The following MYLK variants were observed in gnomAD, a reference collection of about 807,000 sequenced individuals.
MYLK encodes the protein myosin light chain kinase, also known as myosin light chain kinase, smooth muscle.
In MYLK, 106 loss-of-function variants were observed where a neutral mutation model predicts 203.4. The observed-to-expected ratio is 0.52, with a 90% CI of 0.45 to 0.61. The LOEUF is 0.61. Among genes scored for constraint, MYLK ranks in the 20% least tolerant of loss-of-function variants. The pLI is 0.00. For synonymous variants in MYLK, 867 were observed against 959.5 expected (o/e 0.90, Z 1.78); for missense variants, 2,072 against 2,442.3 (o/e 0.85, Z 3.20).
rs2062593756 is a variant in MYLK at position 123,734,138 on chromosome 3, G to A, written c.858C>T (p.Asp286=). ...TGCTTTTGGCTGCAGCCTCCAGACT[G>A]TCCAGCTTCGACTCCTTTGAGATTA... The part of the protein sequence containing the change: ...TNVISKESKL[D]SLEAAAKSKN... Residue 286 remains aspartate (D), a synonymous_variant, in exon 10 of 34, where the codon GAC becomes GAT. Coordinates refer to ENST00000360304, the MANE Select transcript of MYLK (RefSeq NM_053025.4). 2 of 1,581,716 alleles carry A rather than the reference G, an allele frequency of 1.3e-6. No individual in the cohort carries two copies. Among genetic ancestry groups the A allele is most frequent in the Non-Finnish European group, 1.7e-6 (2 of 1,166,908 alleles).
chr3:123,679,532 A>G (rs2060191400), intron 20 of MYLK, among the ~76,000 whole-genome samples: 1 of 151,920 alleles, frequency 6.6e-6, no homozygotes, highest in African/African-American at 2.4e-5. Context: ...GTTTGGAGTA[A>G]CAGAGATTGG....
intron 8 of MYLK, among the ~76,000 whole-genome samples, chr3:123,736,776 T>C (rs1353128936): frequency 2.0e-5 from 3 of 152,156 alleles, no homozygotes; most frequent in Admixed American, 6.5e-5. Context: ...ATTCTTCCAG[T>C]TGGCAACCAC....
At chr3:123,713,828 A>T (rs1314207681) in intron 13 of MYLK, among the ~76,000 whole-genome samples, 9 of 152,084 alleles carry the variant, frequency 5.9e-5, no homozygotes, top group African/African-American at 2.2e-4. Context: ...CTCTCCTCCA[A>T]ACTTATGGCA....
intron 11 of MYLK, among the ~76,000 whole-genome samples, chr3:123,731,333 C>G (rs1448996421): frequency 1.3e-5 from 2 of 152,196 alleles, no homozygotes; most frequent in Non-Finnish European, 2.9e-5. Context: ...CTGTGAACCC[C>G]TAGTTTCCCC....
chr3:123,856,802 T>C (rs1398496422), intron 2 of MYLK, among the ~76,000 whole-genome samples: 2 of 152,174 alleles, frequency 1.3e-5, no homozygotes, highest in Non-Finnish European at 2.9e-5. Flanking sequence ...AAATAGGATC[T>C]AATTAAACTA....
At chr3:123,715,812 C>A (rs533036313) in intron 13 of MYLK, 1 of 152,314 alleles carries the variant, frequency 6.6e-6, no homozygotes, top group African/African-American at 2.4e-5. Context: ...GGAAAAACAA[C>A]TAAATTCTGA....
At chr3:123,697,829 C>T (rs2060995517) in intron 18 of MYLK, among the ~76,000 whole-genome samples, 1 of 152,210 alleles carries the variant, frequency 6.6e-6, no homozygotes, top group Non-Finnish European at 1.5e-5. Flanking sequence ...GTCTCTCTCT[C>T]CCCTTCGTGT....
chr3:123,657,346 T>C lies in MYLK; in HGVS notation c.4068A>G (p.Ser1356=). Reference sequence around the variant, plus strand: ...ACTGTACAGCACTGCCCCCATCATATGAGGAGCCATACCAGGACAGGGTCA... The same window carrying C: ...ACTGTACAGCACTGCCCCCATCATACGAGGAGCCATACCAGGACAGGGTCA... The part of the protein sequence containing the change: ...SSLTLSWYGS[S]YDGGSAVQSY... Residue 1356 remains serine, a synonymous_variant, in exon 24 of 34, where the codon TCA becomes TCG. Coordinates refer to ENST00000360304, the MANE Select transcript of MYLK (RefSeq NM_053025.4). 6.2e-7 allele frequency: 1 copy of C among 1,614,132 alleles called. No homozygotes were observed. The highest frequency in any genetic ancestry group is 8.5e-7 in the Non-Finnish European group (1 of 1,180,030).
chr3:123,645,514 AC>A (rs151070043), intron 27 of MYLK, among the ~76,000 whole-genome samples: 1 of 152,058 alleles, frequency 6.6e-6, no homozygotes, highest in South Asian at 2.1e-4. Flanking sequence ...AAGGACAGAG[AC>A]CCCCCAAGTT....
At chr3:123,680,206 C>T (rs1404660970) in intron 20 of MYLK, among the ~76,000 whole-genome samples, 1 of 152,174 alleles carries the variant, frequency 6.6e-6, no homozygotes, top group Non-Finnish European at 1.5e-5. Flanking sequence ...GAGCCCAGCT[C>T]CTGCTCTGCT....
intron 13 of MYLK, among the ~76,000 whole-genome samples, chr3:123,718,133 A>G (rs1365994102): frequency 6.6e-6 from 1 of 152,054 alleles, no homozygotes; most frequent in East Asian, 1.9e-4. Context: ...AAGTGCTGGG[A>G]TTACAGGCAT....
At chr3:123,759,377 T>C (rs2063463110) in intron 4 of MYLK, among the ~76,000 whole-genome samples, 1 of 152,204 alleles carries the variant, frequency 6.6e-6, no homozygotes, top group African/African-American at 2.4e-5. Context: ...ATCACTCTTC[T>C]GTGGCAGCTC....
At chr3:123,778,962 C>A (rs1313103411) in intron 4 of MYLK, among the ~76,000 whole-genome samples, 1 of 152,168 alleles carries the variant, frequency 6.6e-6, no homozygotes, top group Non-Finnish European at 1.5e-5. Flanking sequence ...CTTCAAACCC[C>A]AAATAGCTAT....
intron 2 of MYLK, among the ~76,000 whole-genome samples, chr3:123,860,812 T>G (rs543774172): frequency 1.3e-5 from 2 of 152,106 alleles, no homozygotes; most frequent in African/African-American, 2.4e-5. Context: ...GTAAAATGCA[T>G]AGGGGGCCAT....
intron 29 of MYLK, among the ~76,000 whole-genome samples, chr3:123,636,103 C>T (rs570844121): frequency 6.6e-5 from 10 of 152,234 alleles, no homozygotes; most frequent in South Asian, 2.1e-4. Flanking sequence ...TTTCTTGATC[C>T]GGGTAGAGGT....
rs1389874214 is a variant in MYLK, at chr3:123,638,095, C to T, written c.4937G>A (p.Ser1646Asn). Reference sequence around the variant, plus strand: ...CAGGATGTAGCAGATGACCCCGATGCTCCACATGTCTGTGGCGTAGCCGAT... The same window carrying T: ...CAGGATGTAGCAGATGACCCCGATGTTCCACATGTCTGTGGCGTAGCCGAT... ...EPIGYATDMWSIGVICYILVS... is the reference protein window; with the variant it reads ...EPIGYATDMWNIGVICYILVS... The change falls in exon 29 of 34, where the codon AGC (serine) becomes AAC (asparagine). Residue 1646 changes from serine to asparagine, a missense_variant. Physicochemically the swap from Ser to Asn is conservative, Grantham distance 46 (BLOSUM62 1). Coordinates refer to ENST00000360304, the MANE Select transcript of MYLK (RefSeq NM_053025.4). The T allele has an allele frequency of 6.2e-7, 1 of 1,614,138 alleles. No homozygotes were observed. Among genetic ancestry groups the T allele is most frequent in the Non-Finnish European group, 8.5e-7 (1 of 1,180,030 alleles).
chr3:123,767,819 T>C (rs2063754569), intron 4 of MYLK, among the ~76,000 whole-genome samples: 1 of 152,018 alleles, frequency 6.6e-6, no homozygotes, highest in Non-Finnish European at 1.5e-5. Flanking sequence ...TTCAGGGGAG[T>C]GGGCTGCTGA....
intron 27 of MYLK, among the ~76,000 whole-genome samples, chr3:123,643,270 C>T (rs2058896990): frequency 6.6e-6 from 1 of 152,084 alleles, no homozygotes; most frequent in South Asian, 2.1e-4. Flanking sequence ...TATTTGCCTC[C>T]GACTATATTT....
Position 123,645,717 on chromosome 3 carries a change from C to T in MYLK, c.4619+1507G>A, listed in dbSNP as rs114963354. ...TTTGTAAAAGCAAAAGGCTGGAAAC[C>T]ACTCAATCTCTATCAAAAGAAGGCT... On this transcript the variant is annotated intron_variant, in intron 27 of 33. Transcript: ENST00000360304. 4.6e-3 allele frequency among the ~76,000 whole-genome samples: 696 copies of T among 152,268 alleles called. 3 individuals carry two copies. Among genetic ancestry groups the T allele is most frequent in the African/African-American group, 0.015 (626 of 41,556 alleles).
Sources: gnomAD v4.1 joint callset for allele counts (sites outside exome capture counted in the v4.1 genomes callset) on GRCh38, gnomAD v4.1.1 for gene constraint, MANE v1.5 for transcripts, NCBI Gene and HGNC (gene_info 2026-07-23, HGNC 2026-07-21) for gene names.